ESRRG: variants seen among roughly 807,000 people sequenced by gnomAD.
The protein encoded by ESRRG is estrogen-related receptor gamma.
Under a neutral mutation model 44.0 loss-of-function variants are expected in ESRRG, and 13 were observed. That is an observed-to-expected ratio of 0.30 (90% CI 0.19 to 0.47). ESRRG has a LOEUF of 0.47. ESRRG is among the 20% of genes least tolerant of loss of function. The pLI is 1.00. For synonymous variants in ESRRG, 215 were observed against 214.6 expected (o/e 1.00, Z -0.02); for missense variants, 395 against 580.6 (o/e 0.68, Z 3.29).
At chr1:216,846,552 C>G (rs2095753097) in intron 2 of ESRRG, among the ~76,000 whole-genome samples, 1 of 152,116 alleles carries the variant, frequency 6.6e-6, no homozygotes, top group African/African-American at 2.4e-5. Flanking sequence ...AGGCACCGGA[C>G]AGAATTTGGC....
At chr1:216,965,670 G>T (rs909440416) in intron 1 of ESRRG, among the ~76,000 whole-genome samples, 1 of 152,132 alleles carries the variant, frequency 6.6e-6, no homozygotes, top group Non-Finnish European at 1.5e-5. Flanking sequence ...CCTGGGGGGA[G>T]GCCAAAGGGC....
chr1:216,667,063 G>C (rs2074093643), intron 2 of ESRRG, among the ~76,000 whole-genome samples: 1 of 152,178 alleles, frequency 6.6e-6, no homozygotes, highest in Non-Finnish European at 1.5e-5. Flanking sequence ...TCCCACACTG[G>C]AACCAGATAG....
intron 1 of ESRRG, among the ~76,000 whole-genome samples, chr1:217,117,886 G>A (rs923762347): frequency 6.6e-6 from 1 of 152,088 alleles, no homozygotes; most frequent in African/African-American, 2.4e-5. Context: ...AAGAGGTCAA[G>A]CAGATGATGT....
At chr1:216,875,758 T>G (rs1436891) in intron 2 of ESRRG, among the ~76,000 whole-genome samples, 27,469 of 152,134 alleles carry the variant, frequency 0.18, 2,817 homozygotes, top group African/African-American at 0.24. Context: ...TGGTGCATAT[T>G]CTGTTGGGTG....
At chr1:217,061,564 C>G (rs1343822897) in intron 1 of ESRRG, among the ~76,000 whole-genome samples, 1 of 152,052 alleles carries the variant, frequency 6.6e-6, no homozygotes, top group Non-Finnish European at 1.5e-5. Flanking sequence ...TTATTAAAAA[C>G]AGGAAAAGGT....
At chr1:216,866,351 T>C (rs964989990) in intron 2 of ESRRG, among the ~76,000 whole-genome samples, 3 of 152,152 alleles carry the variant, frequency 2.0e-5, no homozygotes, top group African/African-American at 7.2e-5. Flanking sequence ...TACAATGACA[T>C]TTTAAGGATT....
At chr1:216,519,814 T>TAAAAAAA (rs147923058) in intron 5 of ESRRG, among the ~76,000 whole-genome samples, 6 of 118,972 alleles carry the variant, frequency 5.0e-5, no homozygotes, top group East Asian at 4.9e-4. Flanking sequence ...AACATAAAAG[T>TAAAAAAA]AAAAAAAAAA....
intron 1 of ESRRG, among the ~76,000 whole-genome samples, chr1:216,963,838 G>A (rs2069674421): frequency 6.6e-6 from 1 of 152,082 alleles, no homozygotes; most frequent in Non-Finnish European, 1.5e-5. Flanking sequence ...TCGGTCTAGT[G>A]GGAGAGTCAG....
intron 3 of ESRRG, among the ~76,000 whole-genome samples, chr1:216,647,773 C>G (rs534543141): frequency 5.3e-5 from 8 of 152,190 alleles, no homozygotes; most frequent in Admixed American, 2.0e-4. Flanking sequence ...TATCAACTAC[C>G]CTTTTAATGA....
chr1:216,750,817 A>G (rs1425980535), intron 2 of ESRRG, among the ~76,000 whole-genome samples: 2 of 152,124 alleles, frequency 1.3e-5, no homozygotes, highest in African/African-American at 4.8e-5. Flanking sequence ...CTTGAATCAA[A>G]TGAGATGCAT....
chr1:216,595,706 G>A (rs1051811873), intron 3 of ESRRG, among the ~76,000 whole-genome samples: 1 of 152,146 alleles, frequency 6.6e-6, no homozygotes, highest in East Asian at 1.9e-4. Flanking sequence ...ATTCTTGGCT[G>A]TTTCCTCTCA....
chr1:216,760,949 A>G (rs1012422875), intron 2 of ESRRG, among the ~76,000 whole-genome samples: 3 of 152,088 alleles, frequency 2.0e-5, no homozygotes, highest in African/African-American at 7.2e-5. Flanking sequence ...AGACAGGTGG[A>G]CATTCCTTTC....
At chr1:216,654,826 T>C (rs1324377295) in intron 2 of ESRRG, among the ~76,000 whole-genome samples, 1 of 151,976 alleles carries the variant, frequency 6.6e-6, no homozygotes, top group African/African-American at 2.4e-5. Context: ...CTGATATGAA[T>C]AGGATAAGAA....
chr1:216,765,738 T>A (rs981087641), intron 2 of ESRRG, among the ~76,000 whole-genome samples: 2 of 152,090 alleles, frequency 1.3e-5, no homozygotes, highest in Non-Finnish European at 2.9e-5. Context: ...AAGAAACCCT[T>A]GAACAGCCTT....
chr1:216,539,489 G>C (rs575338480), intron 5 of ESRRG, among the ~76,000 whole-genome samples: 3 of 151,884 alleles, frequency 2.0e-5, no homozygotes, highest in African/African-American at 7.2e-5. Flanking sequence ...CCTGACCCTC[G>C]GTTCATTCTA....
chr1:216,538,401 C>T (rs540831512), intron 5 of ESRRG, among the ~76,000 whole-genome samples: 109 of 151,982 alleles, frequency 7.2e-4, no homozygotes, highest in African/African-American at 2.5e-3. Context: ...CTGTGAGAAG[C>T]GCTTAAGAGC....
chr1:217,097,485 A>G (rs1339019480), intron 1 of ESRRG, among the ~76,000 whole-genome samples: 2 of 152,198 alleles, frequency 1.3e-5, no homozygotes, highest in Non-Finnish European at 2.9e-5. Context: ...TTTGCCAGAA[A>G]GCTAAGAAAA....
chr1:216,796,809 G>A (rs180763388), intron 2 of ESRRG, among the ~76,000 whole-genome samples: 2 of 150,778 alleles, frequency 1.3e-5, no homozygotes, highest in Admixed American at 1.3e-4. Context: ...CTGCTTCTAT[G>A]ACACTCTTTC....
At chr1:216,748,540 C>A (rs951410426) in intron 2 of ESRRG, among the ~76,000 whole-genome samples, 1 of 152,118 alleles carries the variant, frequency 6.6e-6, no homozygotes, top group African/African-American at 2.4e-5. Context: ...GCAGATTTTT[C>A]AAATTTCTTC....
Sources: gnomAD v4.1 joint callset for allele counts (sites outside exome capture counted in the v4.1 genomes callset) on GRCh38, gnomAD v4.1.1 for gene constraint, MANE v1.5 for transcripts, NCBI Gene and HGNC (gene_info 2026-07-23, HGNC 2026-07-21) for gene names.